Variants in ICA1 observed in about 807,000 individuals in gnomAD.
The protein encoded by ICA1 is 69 kDa islet cell autoantigen.
A neutral mutation model predicts 71.0 loss-of-function variants in ICA1; 40 were observed. That is an observed-to-expected ratio of 0.56 (90% CI 0.44 to 0.73). ICA1 has a LOEUF of 0.73. ICA1 is among the 30% of genes least tolerant of loss of function. The pLI is 0.00. For missense variants in ICA1, 578 were observed against 576.5 expected (o/e 1.00, Z -0.03); for synonymous variants, 207 against 209.5 (o/e 0.99, Z 0.10).
chr7:8,158,484 T>C, intron 7 of ICA1, 43 bp downstream of exon 7: 1 of 1,609,746 alleles, frequency 6.2e-7, no homozygotes, highest in East Asian at 2.2e-5. Flanking sequence ...TATTTAAACC[T>C]TGTGCCATCC....
intron 1 of ICA1, among the ~76,000 whole-genome samples, chr7:8,253,833 T>G (rs1373671606): frequency 6.6e-6 from 1 of 152,184 alleles, no homozygotes; most frequent in South Asian, 2.1e-4. Context: ...TTAATTCATA[T>G]GTACATAGAA....
intron 1 of ICA1, among the ~76,000 whole-genome samples, chr7:8,251,663 C>T (rs1808255919): frequency 6.6e-6 from 1 of 151,730 alleles, no homozygotes; most frequent in Admixed American, 6.6e-5. Context: ...ATTCATCAGC[C>T]AGTTAACAAT....
chr7:8,214,649 G>A (rs570023648), intron 6 of ICA1, among the ~76,000 whole-genome samples: 3 of 152,254 alleles, frequency 2.0e-5, no homozygotes, highest in African/African-American at 4.8e-5. Context: ...TTCCACCCCC[G>A]ACACAGACAC....
intron 6 of ICA1, among the ~76,000 whole-genome samples, chr7:8,202,306 A>G (rs921276214): frequency 3.3e-5 from 5 of 152,208 alleles, no homozygotes; most frequent in Non-Finnish European, 7.3e-5. Flanking sequence ...ACTGTGTCAC[A>G]TTGAGACAGT....
intron 13 of ICA1, 132 bp from the exon 14 acceptor site, chr7:8,114,176 T>A: frequency 1.0e-6 from 1 of 985,322 alleles, no homozygotes; most frequent in Non-Finnish European, 1.5e-6. Flanking sequence ...GCACTCTCTC[T>A]GACAATAGTT....
chr7:8,146,409 G>A (rs540582343), intron 8 of ICA1, among the ~76,000 whole-genome samples: 2 of 152,194 alleles, frequency 1.3e-5, no homozygotes, highest in Non-Finnish European at 2.9e-5. Flanking sequence ...CGTATAGTTG[G>A]CAAGAGTACA....
chr7:8,262,138 G>C lies in ICA1; in HGVS notation c.-124C>G, dbSNP rs1016101251. 1.3e-5 allele frequency: 2 copies of C among 152,160 alleles called. No homozygotes were observed. Among genetic ancestry groups the C allele is most frequent in the Non-Finnish European group, 2.9e-5 (2 of 68,022 alleles). The allele number at this position is 152,160 out of a possible 1,614,324, so 9.4% of individuals were successfully genotyped here. A position where few individuals can be genotyped will look rare whatever the true frequency, so the allele number is the denominator to read the frequency against. ...GGAGCCTCCCGGCCGCGGTCGGAGCGTCCCTCCGGATCACTCATCCGACGT... is the reference window on the plus strand; with the variant it reads ...GGAGCCTCCCGGCCGCGGTCGGAGCCTCCCTCCGGATCACTCATCCGACGT... On this transcript the variant is annotated 5_prime_UTR_variant, in exon 1 of 14. Coordinates refer to ENST00000402384, the MANE Select transcript of ICA1 (RefSeq NM_001136020.3).
chr7:8,192,579 C>A (rs148587740), intron 6 of ICA1, among the ~76,000 whole-genome samples: 180 of 152,290 alleles, frequency 1.2e-3, no homozygotes, highest in African/African-American at 4.0e-3. Flanking sequence ...AATGTAAAGA[C>A]AACGTAAAGA....
intron 6 of ICA1, among the ~76,000 whole-genome samples, chr7:8,216,855 A>C (rs1795569181): frequency 6.6e-6 from 1 of 152,258 alleles, no homozygotes; most frequent in Admixed American, 6.5e-5. Flanking sequence ...TATAAAATAA[A>C]ATCGGTGTCT....
In ICA1 at chr7:8,157,302, G is replaced by A. The variant is rs1801970773; in HGVS notation, c.706-88C>T. 5 of 1,225,374 alleles carry A rather than the reference G, an allele frequency of 4.1e-6. No individual in the cohort carries two copies. The East Asian group carries it at 7.2e-5, about 18-fold the overall frequency. The allele number at this position is 1,225,374 out of a possible 1,614,324, so 75.9% of individuals were successfully genotyped here. A position where few individuals can be genotyped will look rare whatever the true frequency, so the allele number is the denominator to read the frequency against. On this transcript the variant is annotated intron_variant, in intron 7 of 13. Coordinates refer to ENST00000402384, the MANE Select transcript of ICA1 (RefSeq NM_001136020.3). ...GGGAAGTATGACTCTCTGTAGCTTT[G>A]AAGATTCTTTAAAGCATGATTCTAA...
At chr7:8,165,040 G>A (rs1012629064) in intron 6 of ICA1, among the ~76,000 whole-genome samples, 8 of 152,136 alleles carry the variant, frequency 5.3e-5, no homozygotes, top group African/African-American at 1.9e-4. Context: ...TCATGCCACT[G>A]CACTCCAGAA....
intron 3 of ICA1, among the ~76,000 whole-genome samples, chr7:8,229,337 G>A (rs1164250786): frequency 6.6e-6 from 1 of 152,208 alleles, no homozygotes; most frequent in Non-Finnish European, 1.5e-5. Context: ...TAGGCAGATG[G>A]GGCTGTGCTG....
At chr7:8,147,687 AACACACACAC>A (rs71014764) in intron 8 of ICA1, among the ~76,000 whole-genome samples, 2,433 of 144,814 alleles carry the variant, frequency 0.017, 50 homozygotes, top group South Asian at 0.097. Context: ...AGCCAAGGGG[AACACACACAC>A]ACACACACAC....
chr7:8,248,229 T>C (rs1280673177), intron 1 of ICA1, among the ~76,000 whole-genome samples: 1 of 152,210 alleles, frequency 6.6e-6, no homozygotes, highest in East Asian at 1.9e-4. Context: ...CAGCTGAAAC[T>C]GAGTCCAGAG....
At chr7:8,247,364 A>G (rs1213879135) in intron 1 of ICA1, among the ~76,000 whole-genome samples, 1 of 152,112 alleles carries the variant, frequency 6.6e-6, no homozygotes, top group East Asian at 1.9e-4. Flanking sequence ...GGAGGCTGAC[A>G]TGGGAGGATC....
chr7:8,208,977 C>A (rs1792642695), intron 6 of ICA1, among the ~76,000 whole-genome samples: 2 of 152,174 alleles, frequency 1.3e-5, no homozygotes, highest in South Asian at 4.1e-4. Context: ...TGGTTCCACT[C>A]AGTAAAACCT....
intron 6 of ICA1, among the ~76,000 whole-genome samples, chr7:8,193,701 A>C (rs1209562683): frequency 6.6e-6 from 1 of 152,218 alleles, no homozygotes; most frequent in African/African-American, 2.4e-5. Flanking sequence ...GCCAGATATG[A>C]CATGAAAAAA....
chr7:8,199,482 G>A (rs1033397381), intron 6 of ICA1, among the ~76,000 whole-genome samples: 4 of 152,152 alleles, frequency 2.6e-5, no homozygotes, highest in African/African-American at 4.8e-5. Flanking sequence ...AGGCCAAGGC[G>A]GGCGGATCAC....
intron 6 of ICA1, among the ~76,000 whole-genome samples, chr7:8,195,133 G>A (rs2110337): frequency 0.99 from 150,643 of 152,360 alleles, 74,479 homozygotes; most frequent in Middle Eastern, 1. Context: ...GCCCAATATT[G>A]TATGTCATTA....
Sources: gnomAD v4.1 joint callset for allele counts (sites outside exome capture counted in the v4.1 genomes callset) on GRCh38, gnomAD v4.1.1 for gene constraint, MANE v1.5 for transcripts, NCBI Gene and HGNC (gene_info 2026-07-23, HGNC 2026-07-21) for gene names.